The following PCBP3 variants were observed in gnomAD, a reference collection of about 807,000 sequenced individuals.
PCBP3 encodes the protein poly(rC)-binding protein 3.
A neutral mutation model predicts 52.7 loss-of-function variants in PCBP3; 25 were observed. That is an observed-to-expected ratio of 0.47 (90% CI 0.35 to 0.66). The LOEUF (loss-of-function observed/expected upper bound fraction) is 0.66, where lower values mean the gene tolerates loss of function less well. Among genes scored for constraint, PCBP3 ranks in the 30% least tolerant of loss-of-function variants. PCBP3 has a pLI of 0.01. For missense variants in PCBP3, 391 were observed against 490.3 expected (o/e 0.80, Z 1.91); for synonymous variants, 162 against 183.0 (o/e 0.89, Z 0.93).
At chr21:45,669,262 A>G (rs2080994849) in intron 2 of PCBP3, among the ~76,000 whole-genome samples, 1 of 152,014 alleles carries the variant, frequency 6.6e-6, no homozygotes, top group African/African-American at 2.4e-5. Flanking sequence ...CCTAGTTTCC[A>G]GTTCACCAAT....
intron 10 of PCBP3, among the ~76,000 whole-genome samples, chr21:45,910,051 C>CCG (rs1569485195): frequency 2.3e-4 from 4 of 17,154 alleles, no homozygotes; most frequent in Admixed American, 4.9e-4. Context: ...GGACCCCCCC[C>CCG]ACCACTGCCC....
Position 45,896,235 on chromosome 21 carries a change from T to C in PCBP3, c.38T>C (p.Leu13Pro). Residue 13 changes from leucine to proline, a missense_variant, in exon 6 of 18, where the codon CTT becomes CCT. Transcript: ENST00000681687. ...GACGCCTTCTGGGCCCCATCTGTCC[T>C]TCCTCACAGCACCCTCAGCACCTTA... ...EGDAFWAPSV[L>P]PHSTLSTLSH... 6.4e-7 allele frequency: 1 copy of C among 1,552,100 alleles called. No individual in the cohort carries two copies. The highest frequency in any genetic ancestry group is 1.2e-5 in the South Asian group (1 of 84,046).
intron 2 of PCBP3, among the ~76,000 whole-genome samples, chr21:45,733,196 T>A (rs1476895573): frequency 6.6e-6 from 1 of 152,372 alleles, no homozygotes; most frequent in East Asian, 1.9e-4. Flanking sequence ...TTTGTGTGTT[T>A]TAAAAATACT....
At chr21:45,882,703 A>G (rs576152233) in intron 5 of PCBP3, among the ~76,000 whole-genome samples, 1 of 152,280 alleles carries the variant, frequency 6.6e-6, no homozygotes, top group South Asian at 2.1e-4. Flanking sequence ...ATTTTTATAG[A>G]TGGTGTGAGA....
chr21:45,692,637 T>G (rs1004321233), intron 2 of PCBP3, among the ~76,000 whole-genome samples: 1 of 152,190 alleles, frequency 6.6e-6, no homozygotes, highest in African/African-American at 2.4e-5. Flanking sequence ...ATCTACTATA[T>G]AAATTCAATT....
chr21:45,911,592 C>T (rs1302058680), intron 11 of PCBP3, among the ~76,000 whole-genome samples: 2 of 152,128 alleles, frequency 1.3e-5, no homozygotes, highest in African/African-American at 4.8e-5. Flanking sequence ...GCAGACGCCT[C>T]TCTTGAAGTT....
chr21:45,765,622 G>A (rs1228484997), intron 4 of PCBP3, among the ~76,000 whole-genome samples: 1 of 152,162 alleles, frequency 6.6e-6, no homozygotes, highest in African/African-American at 2.4e-5. Context: ...TTGCCAGCGC[G>A]GCTCTTCCAT....
chr21:45,815,820 GGTGAGTGGTGA>G (rs1427483877), intron 4 of PCBP3, among the ~76,000 whole-genome samples: 5 of 117,138 alleles, frequency 4.3e-5, no homozygotes, highest in Non-Finnish European at 7.1e-5. Context: ...GTGAGTGAGT[GGTGAGTGGTGA>G]GTGAGTGGTG....
At chr21:45,847,840 C>T (rs1238081415) in intron 4 of PCBP3, among the ~76,000 whole-genome samples, 2 of 152,186 alleles carry the variant, frequency 1.3e-5, no homozygotes, top group Non-Finnish European at 2.9e-5. Flanking sequence ...AGCCTTTCAA[C>T]TTGTCGATTA....
At position 45,827,164 on chromosome 21, in the gene PCBP3, T is replaced by C. The variant is rs1237367158; in HGVS notation, c.-125-22797T>C. Among the ~76,000 whole-genome samples, 1 of 152,088 alleles carries C rather than the reference T, an allele frequency of 6.6e-6. No homozygotes were observed. Among genetic ancestry groups the C allele is most frequent in the East Asian group, 1.9e-4 (1 of 5,178 alleles). On this transcript the variant is annotated intron_variant, in intron 4 of 17. Transcript: ENST00000681687. The surrounding 1 kb of genome is among the most constrained non-coding windows in gnomAD (Gnocchi z 4.3). Reference sequence around the variant, plus strand: ...TACCTGCTCAGGATCTCCTTCCCATTTGGGCATCAGCTGAGGGACAAGGAG... The same window carrying C: ...TACCTGCTCAGGATCTCCTTCCCATCTGGGCATCAGCTGAGGGACAAGGAG...
intron 4 of PCBP3, among the ~76,000 whole-genome samples, chr21:45,790,291 CAG>C (rs919770737): frequency 7.2e-5 from 11 of 152,104 alleles, no homozygotes; most frequent in Non-Finnish European, 1.3e-4. Context: ...GACCTTCAAA[CAG>C]AGTGGAGGAA....
rs1466864141 is a variant in PCBP3, at chr21:45,724,874, C to A, written c.-199-10518C>A. 6.6e-6 allele frequency among the ~76,000 whole-genome samples: 1 copy of A among 152,126 alleles called. No individual in the cohort carries two copies. The highest frequency in any genetic ancestry group is 1.5e-5 in the Non-Finnish European group (1 of 68,032). On this transcript the variant is annotated intron_variant, in intron 2 of 17. Transcript: ENST00000681687. This position sits in a 1 kb window ranked among gnomAD's most constrained non-coding sequence, Gnocchi z 5.3. ...TCTCTGTGAGGGAGGCACTGACTCT[C>A]AGGAGATGCTGTCATTGGGATACTA...
chr21:45,913,478 C>T (rs1393386559), intron 11 of PCBP3, among the ~76,000 whole-genome samples: 3 of 152,180 alleles, frequency 2.0e-5, no homozygotes, highest in African/African-American at 7.2e-5. Flanking sequence ...TGAAGCCGTG[C>T]AGCCAGGCCT....
intron 2 of PCBP3, among the ~76,000 whole-genome samples, chr21:45,671,167 G>A (rs551183771): frequency 1.3e-5 from 2 of 152,176 alleles, no homozygotes; most frequent in Non-Finnish European, 2.9e-5. Flanking sequence ...TTTCAATGCT[G>A]TCCTGGGAAA....
chr21:45,785,376 C>T (rs534560368), intron 4 of PCBP3, among the ~76,000 whole-genome samples: 11 of 145,754 alleles, frequency 7.5e-5, no homozygotes, highest in Non-Finnish European at 1.4e-4. Context: ...CCGCCCCATC[C>T]GGGAGGTGAG....
intron 4 of PCBP3, among the ~76,000 whole-genome samples, chr21:45,806,439 C>T (rs1188566403): frequency 1.3e-5 from 2 of 151,032 alleles, no homozygotes; most frequent in African/African-American, 4.9e-5. Flanking sequence ...CTCAATGTGG[C>T]CCTGGATGCC....
intron 4 of PCBP3, among the ~76,000 whole-genome samples, chr21:45,822,242 G>T (rs1161490063): frequency 6.6e-6 from 1 of 152,162 alleles, no homozygotes; most frequent in Non-Finnish European, 1.5e-5. Context: ...AGCCATCGGG[G>T]TCCTCAGCCC....
At chr21:45,892,165 AGGTG>A (rs1292507960) in intron 5 of PCBP3, among the ~76,000 whole-genome samples, 20 of 152,240 alleles carry the variant, frequency 1.3e-4, no homozygotes, top group Non-Finnish European at 2.1e-4. Flanking sequence ...CCTTCCTACG[AGGTG>A]GGCGCTGTCA....
At chr21:45,865,662 G>A (rs563813100) in intron 5 of PCBP3, among the ~76,000 whole-genome samples, 146 of 152,310 alleles carry the variant, frequency 9.6e-4, no homozygotes, top group African/African-American at 3.4e-3. Context: ...AGGGCTGCTC[G>A]GTGGAGCTGG....
Sources: allele counts gnomAD v4.1 joint callset (sites outside exome capture counted in the v4.1 genomes callset), GRCh38; gene constraint gnomAD v4.1.1; non-coding constraint Gnocchi (gnomAD v3.1); transcripts MANE v1.5; gene names NCBI Gene and HGNC (gene_info 2026-07-23, HGNC 2026-07-21).